The following REV3L variants were observed in gnomAD, a reference collection of about 807,000 sequenced individuals.
REV3L encodes DNA polymerase zeta catalytic subunit.
REV3L carries 69 observed loss-of-function variants against 299.4 expected under a neutral mutation model. That is an observed-to-expected ratio of 0.23 (90% CI 0.19 to 0.28). The LOEUF (loss-of-function observed/expected upper bound fraction) is 0.28. Among genes scored for constraint, REV3L ranks in the 10% least tolerant of loss-of-function variants. The pLI, the probability that REV3L is intolerant of heterozygous loss-of-function variation, is 1.00. For synonymous variants in REV3L, 1,238 were observed against 1,271.4 expected (o/e 0.97, Z 0.56); for missense variants, 3,128 against 3,693.8 (o/e 0.85, Z 3.97).
chr6:111,301,780 T>C (rs1562472059), intron 31 of REV3L, among the ~76,000 whole-genome samples: 1 of 152,168 alleles, frequency 6.6e-6, no homozygotes, highest in African/African-American at 2.4e-5. Flanking sequence ...CAATGATCAA[T>C]TTTTAAAAAT....
chr6:111,362,083 A>C (rs184451292), intron 16 of REV3L, among the ~76,000 whole-genome samples: 1 of 152,192 alleles, frequency 6.6e-6, no homozygotes, highest in African/African-American at 2.4e-5. Context: ...ACATATTTTT[A>C]AAAAAGTTTT....
intron 1 of REV3L, among the ~76,000 whole-genome samples, chr6:111,437,719 T>G (rs1414966067): frequency 6.6e-6 from 1 of 152,152 alleles, no homozygotes; most frequent in Non-Finnish European, 1.5e-5. Context: ...GACTGCTATT[T>G]GAGACGGTGT....
chr6:111,428,084 G>C (rs935791294), intron 1 of REV3L, among the ~76,000 whole-genome samples: 1 of 150,804 alleles, frequency 6.6e-6, no homozygotes. Flanking sequence ...AAGCATATTC[G>C]ATAAAAACCA....
chr6:111,356,839 T>C (rs1398270810), intron 18 of REV3L, 175 bp downstream of exon 18: 3 of 334,124 alleles, frequency 9.0e-6, no homozygotes, highest in Non-Finnish European at 1.1e-5. Context: ...CTGATGAAAA[T>C]AGTGATGGTG....
chr6:111,481,045 T>C (rs1418127101), intron 1 of REV3L, among the ~76,000 whole-genome samples: 2 of 152,238 alleles, frequency 1.3e-5, no homozygotes, highest in Non-Finnish European at 2.9e-5. Context: ...GAAACTTTCC[T>C]ATACAACAAA....
intron 1 of REV3L, among the ~76,000 whole-genome samples, chr6:111,443,977 AT>A (rs1788564935): frequency 6.6e-6 from 1 of 152,242 alleles, no homozygotes; most frequent in African/African-American, 2.4e-5. Context: ...GATTTTAAAT[AT>A]TCCAAACCAA....
chr6:111,482,808 G>A lies in REV3L; in HGVS notation c.81C>T (p.Leu27=), dbSNP rs753448662. ...GCACCTTCTTGACAGGGGCCTGGGT[G>A]AGGGGGGATTGGCAGGTATCCAGCC... The part of the protein sequence containing the change: ...LQGLDTCQSP[L]TQAPVKKVPV... Residue 27 remains leucine, a synonymous_variant, in exon 1 of 32, where the codon CTC becomes CTT. Transcript: ENST00000368802. The A allele has an allele frequency of 4.2e-5, 64 of 1,509,934 alleles. No homozygotes were observed. Among genetic ancestry groups the A allele is most frequent in the Non-Finnish European group, 5.3e-5 (60 of 1,133,726 alleles). 93.5% of individuals were successfully genotyped at this position (1,509,934 alleles called of 1,614,324 possible).
At position 111,462,215 on chromosome 6, in the gene REV3L, C is replaced by A. The variant is rs917658487; in HGVS notation, c.139+20535G>T. 3.9e-5 allele frequency among the ~76,000 whole-genome samples: 6 copies of A among 152,146 alleles called. No homozygotes were observed. In the East Asian group the frequency reaches 1.2e-3, roughly 29 times the overall value. On this transcript the variant is annotated intron_variant, in intron 1 of 31. Transcript: ENST00000368802. ...AGTTACTCTTTATTAATAAGTGATA[C>A]AATGGAGAGATGGAAATCTCATGTC...
At chr6:111,344,129 A>G (rs17511202) in intron 20 of REV3L, 86 bp from the exon 21 acceptor site, 646 of 789,056 alleles carry the variant, frequency 8.2e-4, no homozygotes, top group Non-Finnish European at 1.2e-3. Context: ...ATCACTTTAA[A>G]CTTTTCATAG....
chr6:111,368,789 C>T (rs1397284367), intron 13 of REV3L, among the ~76,000 whole-genome samples: 1 of 152,176 alleles, frequency 6.6e-6, no homozygotes, highest in Non-Finnish European at 1.5e-5. Flanking sequence ...TAAAATAATT[C>T]TACTTCTTCA....
At chr6:111,311,531 C>A in intron 28 of REV3L, 2 of 237,222 alleles carry the variant, frequency 8.4e-6, no homozygotes, top group East Asian at 8.5e-5. Flanking sequence ...TGATAAGCAA[C>A]ATAAAACACG....
At chr6:111,306,143 AC>A (rs1772257835) in intron 31 of REV3L, among the ~76,000 whole-genome samples, 1 of 152,084 alleles carries the variant, frequency 6.6e-6, no homozygotes, top group Non-Finnish European at 1.5e-5. Context: ...AGACAGACAA[AC>A]CCCAAATCAC....
chr6:111,429,292 G>A (rs1237949986), intron 1 of REV3L, among the ~76,000 whole-genome samples: 2 of 152,096 alleles, frequency 1.3e-5, no homozygotes, highest in Non-Finnish European at 2.9e-5. Flanking sequence ...AGGATTATAG[G>A]TGTGAGCCAT....
chr6:111,391,682 T>A (rs1273778589), intron 5 of REV3L, among the ~76,000 whole-genome samples: 1 of 152,228 alleles, frequency 6.6e-6, no homozygotes, highest in African/African-American at 2.4e-5. Context: ...TGATCCCAGC[T>A]TCGGCTTGGG....
chr6:111,352,967 G>C (rs1777726484), intron 18 of REV3L, among the ~76,000 whole-genome samples: 1 of 152,160 alleles, frequency 6.6e-6, no homozygotes, highest in South Asian at 2.1e-4. Context: ...TAAGTTTTGA[G>C]AGCAAAAACT....
intron 30 of REV3L, among the ~76,000 whole-genome samples, chr6:111,308,669 C>CTAAATCCTA (rs1450459058): frequency 1.3e-5 from 2 of 152,144 alleles, no homozygotes; most frequent in African/African-American, 4.8e-5. Flanking sequence ...TGTCTAGATA[C>CTAAATCCTA]TAAATCCTAC....
intron 25 of REV3L, among the ~76,000 whole-genome samples, chr6:111,324,696 A>G (rs2114793559): frequency 6.6e-6 from 1 of 152,310 alleles, no homozygotes; most frequent in East Asian, 1.9e-4. Flanking sequence ...CACTAGAGTG[A>G]GGGGGAGGCG....
At chr6:111,430,611 T>C in intron 1 of REV3L, 4 of 1,530,176 alleles carry the variant, frequency 2.6e-6, no homozygotes, top group Non-Finnish European at 2.7e-6. Context: ...AACAGACACC[T>C]CGCAGAGTGG....
intron 1 of REV3L, among the ~76,000 whole-genome samples, chr6:111,419,945 C>T (rs923654687): frequency 5.9e-5 from 9 of 151,966 alleles, no homozygotes; most frequent in African/African-American, 9.7e-5. Context: ...CCCGGGCTCA[C>T]GCCGTTCTCC....
Sources: allele counts gnomAD v4.1 joint callset (sites outside exome capture counted in the v4.1 genomes callset), GRCh38; gene constraint gnomAD v4.1.1; transcripts MANE v1.5; gene names NCBI Gene and HGNC (gene_info 2026-07-23, HGNC 2026-07-21).